The following ACSBG1 variants were observed in gnomAD, a reference collection of about 807,000 sequenced individuals.
ACSBG1 encodes the protein long-chain-fatty-acid--CoA ligase ACSBG1.
ACSBG1 carries 39 observed loss-of-function variants against 80.2 expected under a neutral mutation model. The ratio of observed to expected loss-of-function variants is 0.49; its 90% CI spans 0.38 to 0.64. The LOEUF is 0.64. Ranked by LOEUF, ACSBG1 falls within the 30% of genes least tolerant of loss-of-function variation. The probability of loss-of-function intolerance (pLI) is 0.00; values close to 1 mark genes in which losing one functional copy is unlikely to be tolerated. For missense variants in ACSBG1, 828 were observed against 966.4 expected (o/e 0.86, Z 1.90); for synonymous variants, 392 against 379.5 (o/e 1.03, Z -0.38).
intron 2 of ACSBG1, 85 bp downstream of exon 2, chr15:78,207,917 T>TCCCCCCCCCCCCCCCCC: frequency 1.8e-5 from 16 of 876,060 alleles, no homozygotes; most frequent in East Asian, 5.4e-5. Flanking sequence ...TGTGTGGTGG[T>TCCCCCCCCCCCCCCCCC]CCCCCACACC....
chr15:78,215,694 G>T (rs745734579), intron 1 of ACSBG1, among the ~76,000 whole-genome samples: 2 of 127,974 alleles, frequency 1.6e-5, no homozygotes, highest in Non-Finnish European at 3.4e-5. Flanking sequence ...GAAGGGAAAA[G>T]AAAAAGAAGG....
At chr15:78,225,541 T>A (rs561002638) in intron 1 of ACSBG1, among the ~76,000 whole-genome samples, 2 of 152,192 alleles carry the variant, frequency 1.3e-5, no homozygotes, top group African/African-American at 4.8e-5. Flanking sequence ...CTGAAAGGTA[T>A]AAAACATGGT....
intron 1 of ACSBG1, among the ~76,000 whole-genome samples, chr15:78,221,280 A>G (rs2075357769): frequency 6.6e-6 from 1 of 152,142 alleles, no homozygotes; most frequent in Non-Finnish European, 1.5e-5. Flanking sequence ...GAATGGGGTG[A>G]ACAGGGTGAT....
chr15:78,194,233 C>T (rs1443598084), intron 3 of ACSBG1, among the ~76,000 whole-genome samples: 1 of 152,254 alleles, frequency 6.6e-6, no homozygotes, highest in Non-Finnish European at 1.5e-5. Context: ...TGTCCGGCCC[C>T]TCAGCCCAGC....
rs2074936848 is a variant in ACSBG1 at position 78,180,945 on chromosome 15, A to G, written c.1072-9T>C. 1.2e-6 allele frequency: 2 copies of G among 1,611,716 alleles called. No individual in the cohort carries two copies. ...GTGTTCACCAGGCTCCCCTGTTCAC[A>G]CCAGAAGAGGCAGGCCTGTTGGGTC... On this transcript the variant is annotated splice_polypyrimidine_tract_variant and intron_variant, in intron 8 of 13. Transcript: ENST00000258873.
chr15:78,221,604 C>T (rs2075360146), intron 1 of ACSBG1, among the ~76,000 whole-genome samples: 2 of 152,136 alleles, frequency 1.3e-5, no homozygotes, highest in South Asian at 4.2e-4. Flanking sequence ...TAAACCTCCT[C>T]AGCACAGACC....
intron 2 of ACSBG1, among the ~76,000 whole-genome samples, chr15:78,201,387 A>T (rs2075165487): frequency 6.6e-6 from 1 of 152,196 alleles, no homozygotes; most frequent in Non-Finnish European, 1.5e-5. Flanking sequence ...AGGACACAGG[A>T]CACATTGTGC....
intron 2 of ACSBG1, among the ~76,000 whole-genome samples, chr15:78,202,504 C>A (rs1164718240): frequency 6.6e-6 from 1 of 152,188 alleles, no homozygotes; most frequent in African/African-American, 2.4e-5. Flanking sequence ...CCACCACTCC[C>A]GGCCTCCTCC....
At chr15:78,224,063 C>G (rs2075380833) in intron 1 of ACSBG1, among the ~76,000 whole-genome samples, 1 of 152,108 alleles carries the variant, frequency 6.6e-6, no homozygotes, top group Admixed American at 6.5e-5. Flanking sequence ...CTTCTGTCTT[C>G]CAGAACTGGG....
chr15:78,182,227 A>G, intron 7 of ACSBG1, 82 bp from the exon 8 acceptor site: 3 of 1,520,748 alleles, frequency 2.0e-6, no homozygotes, highest in South Asian at 1.2e-5. Flanking sequence ...CCTGGGGGCC[A>G]GCCCCAGTGT....
chr15:78,211,096 A>G (rs2075262483), intron 1 of ACSBG1, among the ~76,000 whole-genome samples: 1 of 152,060 alleles, frequency 6.6e-6, no homozygotes, highest in African/African-American at 2.4e-5. Context: ...CCACAATGGA[A>G]CCTATCATGT....
At chr15:78,213,128 A>AACCC (rs1037039073) in intron 1 of ACSBG1, among the ~76,000 whole-genome samples, 2 of 152,068 alleles carry the variant, frequency 1.3e-5, no homozygotes, top group African/African-American at 4.8e-5. Flanking sequence ...ATATCCTAAA[A>AACCC]ACCCCAAACA....
In ACSBG1 at chr15:78,177,741, C is replaced by T. The variant is rs1397956116; in HGVS notation, c.1702+873G>A. Among the ~76,000 whole-genome samples the T allele has an allele frequency of 6.6e-6, 1 of 152,166 alleles. No individual in the cohort carries two copies. The highest frequency in any genetic ancestry group is 1.5e-5 in the Non-Finnish European group (1 of 68,028). Reference sequence around the variant, plus strand: ...GGGTCCTGGGCATGGTCGCACACTGCCTGCATGATGTCCACAAAGTAGTTT... The same window carrying T: ...GGGTCCTGGGCATGGTCGCACACTGTCTGCATGATGTCCACAAAGTAGTTT... On this transcript the variant is annotated intron_variant, in intron 11 of 13. Transcript: ENST00000258873. This position sits in a 1 kb window ranked among gnomAD's most constrained non-coding sequence, Gnocchi z 4.1.
chr15:78,230,234 C>T (rs2075435471), intron 1 of ACSBG1, among the ~76,000 whole-genome samples: 1 of 152,204 alleles, frequency 6.6e-6, no homozygotes, highest in Non-Finnish European at 1.5e-5. Flanking sequence ...TTAGCTCAGA[C>T]CCCACGGGTT....
chr15:78,205,350 C>T (rs1012437868), intron 2 of ACSBG1, among the ~76,000 whole-genome samples: 23 of 152,006 alleles, frequency 1.5e-4, no homozygotes, highest in Admixed American at 1.0e-3. Flanking sequence ...TGGGAGCCTC[C>T]GAGGGCTCCA....
intron 1 of ACSBG1, 42 bp from the exon 2 acceptor site, chr15:78,208,144 TG>T (rs757386265): frequency 6.5e-7 from 1 of 1,531,562 alleles, no homozygotes; most frequent in East Asian, 2.3e-5. Context: ...CATTAGAACG[TG>T]GGGGACCGGC....
At chr15:78,226,211 T>C (rs74024195) in intron 1 of ACSBG1, among the ~76,000 whole-genome samples, 5,216 of 152,256 alleles carry the variant, frequency 0.034, 350 homozygotes, top group African/African-American at 0.12. Flanking sequence ...TTTATGGTCA[T>C]AATAAAACTT....
At chr15:78,221,274 G>A (rs138627511) in intron 1 of ACSBG1, among the ~76,000 whole-genome samples, 66 of 152,254 alleles carry the variant, frequency 4.3e-4, no homozygotes, top group Middle Eastern at 3.4e-3. Flanking sequence ...GCAGCAGAAT[G>A]GGGTGAACAG....
At chr15:78,185,055 GAGA>G (rs1567083054) in intron 5 of ACSBG1, among the ~76,000 whole-genome samples, 7 of 8,598 alleles carry the variant, frequency 8.1e-4, no homozygotes, top group Middle Eastern at 0.062. Context: ...AGGGGAGGGA[GAGA>G]GAGAGAGAGA....
Sources: gnomAD v4.1 joint callset for allele counts (sites outside exome capture counted in the v4.1 genomes callset) on GRCh38, gnomAD v4.1.1 for gene constraint, Gnocchi (gnomAD v3.1) non-coding constraint, MANE v1.5 for transcripts, NCBI Gene and HGNC (gene_info 2026-07-23, HGNC 2026-07-21) for gene names.